The following GRIA4 variants were observed in gnomAD, a reference collection of about 807,000 sequenced individuals.
The protein encoded by GRIA4 is glutamate receptor 4.
Under a neutral mutation model 104.0 loss-of-function variants are expected in GRIA4, and 34 were observed. The observed-to-expected ratio is 0.33, with a 90% CI of 0.25 to 0.44. The LOEUF (loss-of-function observed/expected upper bound fraction) is 0.44, where lower values mean the gene tolerates loss of function less well. GRIA4 is among the 20% of genes least tolerant of loss of function. GRIA4 has a pLI of 1.00. For missense variants in GRIA4, 750 were observed against 1,096.5 expected (o/e 0.68, Z 4.46); for synonymous variants, 386 against 381.9 (o/e 1.01, Z -0.13).
At chr11:105,799,150 G>A (rs1483666561) in intron 4 of GRIA4, among the ~76,000 whole-genome samples, 1 of 152,086 alleles carries the variant, frequency 6.6e-6, no homozygotes, top group Non-Finnish European at 1.5e-5. Context: ...GGTAGAAGGA[G>A]AACTAGGTGA....
intron 4 of GRIA4, among the ~76,000 whole-genome samples, chr11:105,838,103 A>C (rs975536407): frequency 1.3e-5 from 2 of 152,196 alleles, no homozygotes; most frequent in Non-Finnish European, 2.9e-5. Context: ...AAAGAAGATA[A>C]AGGTAAAAAA....
chr11:105,668,846 T>G (rs1369808694), intron 3 of GRIA4, among the ~76,000 whole-genome samples: 1 of 151,964 alleles, frequency 6.6e-6, no homozygotes, highest in Non-Finnish European at 1.5e-5. Context: ...TATCTTTTTT[T>G]GGCTACCCAT....
At chr11:105,843,326 T>C (rs563737871) in intron 4 of GRIA4, among the ~76,000 whole-genome samples, 3 of 152,366 alleles carry the variant, frequency 2.0e-5, no homozygotes, top group South Asian at 4.1e-4. Flanking sequence ...CACTTTATGT[T>C]GTTTTATAAA....
intron 14 of GRIA4, among the ~76,000 whole-genome samples, chr11:105,971,074 G>A (rs933889899): frequency 3.5e-4 from 53 of 152,102 alleles, no homozygotes; most frequent in African/African-American, 1.2e-3. Context: ...GAAAAATCTT[G>A]GTTACCTCTA....
At chr11:105,779,879 AGATT>A (rs1275581505) in intron 4 of GRIA4, among the ~76,000 whole-genome samples, 1 of 151,936 alleles carries the variant, frequency 6.6e-6, no homozygotes, top group African/African-American at 2.4e-5. Flanking sequence ...TCACATATAT[AGATT>A]ATTATGAAAA....
chr11:105,799,574 T>G (rs1047368885), intron 4 of GRIA4, among the ~76,000 whole-genome samples: 8 of 152,084 alleles, frequency 5.3e-5, no homozygotes, highest in African/African-American at 1.9e-4. Flanking sequence ...CATAAAGGAT[T>G]TGGCCTTAGG....
At chr11:105,911,807 T>A in intron 10 of GRIA4, 1 of 310,380 alleles carries the variant, frequency 3.2e-6, no homozygotes, top group Admixed American at 4.6e-5. Context: ...TATATATATA[T>A]ATGTTTCTTT....
At chr11:105,935,514 G>A (rs377177941) in intron 14 of GRIA4, among the ~76,000 whole-genome samples, 1 of 152,108 alleles carries the variant, frequency 6.6e-6, no homozygotes, top group African/African-American at 2.4e-5. Flanking sequence ...ATTTCAATGA[G>A]GCCAAGTAGT....
chr11:105,945,120 C>T (rs1948277006), intron 14 of GRIA4, among the ~76,000 whole-genome samples: 1 of 152,106 alleles, frequency 6.6e-6, no homozygotes, highest in East Asian at 1.9e-4. Flanking sequence ...ACCCCTTCTT[C>T]CTAAGGAACT....
chr11:105,717,308 C>A (rs913133817), intron 3 of GRIA4, among the ~76,000 whole-genome samples: 7 of 151,902 alleles, frequency 4.6e-5, no homozygotes, highest in African/African-American at 1.7e-4. Context: ...CATATTTGCC[C>A]TAAAAGCATA....
chr11:105,773,387 T>C (rs1167499567), intron 4 of GRIA4, among the ~76,000 whole-genome samples: 1 of 152,146 alleles, frequency 6.6e-6, no homozygotes, highest in Non-Finnish European at 1.5e-5. Context: ...AAGAATTTAA[T>C]GAACTGGCTT....
intron 3 of GRIA4, among the ~76,000 whole-genome samples, chr11:105,731,217 T>C (rs1938566599): frequency 6.6e-6 from 1 of 151,862 alleles, no homozygotes; most frequent in African/African-American, 2.4e-5. Context: ...ATGGGCAAAA[T>C]ATATGAACAT....
chr11:105,677,962 A>G (rs1952592817), intron 3 of GRIA4, among the ~76,000 whole-genome samples: 1 of 152,026 alleles, frequency 6.6e-6, no homozygotes, highest in Non-Finnish European at 1.5e-5. Context: ...AAGCCTGTCT[A>G]TAAGTTCCAT....
chr11:105,755,609 T>A (rs1345772151), intron 4 of GRIA4, among the ~76,000 whole-genome samples: 1 of 152,194 alleles, frequency 6.6e-6, no homozygotes, highest in Non-Finnish European at 1.5e-5. Flanking sequence ...TTGACTGAGC[T>A]AAGGGATGCC....
chr11:105,851,777 C>A (rs1944820115), intron 4 of GRIA4, among the ~76,000 whole-genome samples: 1 of 152,198 alleles, frequency 6.6e-6, no homozygotes, highest in Non-Finnish European at 1.5e-5. Context: ...ATCCATCCCT[C>A]CTGTCACCAC....
intron 14 of GRIA4, among the ~76,000 whole-genome samples, chr11:105,938,774 G>C (rs1400060390): frequency 6.6e-6 from 1 of 152,092 alleles, no homozygotes; most frequent in Non-Finnish European, 1.5e-5. Context: ...AAGTATACTG[G>C]TGTTTATTGT....
Position 105,807,276 on chromosome 11 carries a change from T to G in GRIA4, c.487+54056T>G, listed in dbSNP as rs1942991098. ...TTTAACTATCTCAAAATTATAACAA[T>G]TTTATTAGAAGCATAAGAATGAAAG... On this transcript the variant is annotated intron_variant, in intron 4 of 16. Coordinates refer to ENST00000282499, the MANE Select transcript of GRIA4 (RefSeq NM_000829.4). 3.3e-5 allele frequency among the ~76,000 whole-genome samples: 5 copies of G among 151,918 alleles called. No individual in the cohort carries two copies. In the South Asian group the frequency reaches 8.3e-4, roughly 25 times the overall value.
At chr11:105,941,271 C>A (rs1227883643) in intron 14 of GRIA4, among the ~76,000 whole-genome samples, 10 of 152,040 alleles carry the variant, frequency 6.6e-5, no homozygotes, top group Admixed American at 6.6e-4. Context: ...TTTAAATGAA[C>A]AAATTTCATA....
chr11:105,761,643 G>A (rs2000524), intron 4 of GRIA4, among the ~76,000 whole-genome samples: 28,532 of 152,000 alleles, frequency 0.19, 3,420 homozygotes, highest in African/African-American at 0.33. Flanking sequence ...AAAGGGCTGT[G>A]TTCTAATAAA....
Sources: gnomAD v4.1 joint callset for allele counts (sites outside exome capture counted in the v4.1 genomes callset) on GRCh38, gnomAD v4.1.1 for gene constraint, MANE v1.5 for transcripts, NCBI Gene and HGNC (gene_info 2026-07-23, HGNC 2026-07-21) for gene names.